Variants in NR6A1 observed in about 807,000 individuals in gnomAD.
NR6A1 encodes nuclear receptor subfamily 6 group A member 1.
A neutral mutation model predicts 59.1 loss-of-function variants in NR6A1; 7 were observed. The observed-to-expected ratio is 0.12, with a 90% CI of 0.07 to 0.22. NR6A1 has a LOEUF of 0.22. Among genes scored for constraint, NR6A1 ranks in the 10% least tolerant of loss-of-function variants. NR6A1 has a pLI of 1.00. For synonymous variants in NR6A1, 243 were observed against 236.1 expected, an observed-to-expected ratio of 1.03 and a Z score of -0.27; for missense variants, 468 against 611.6, an observed-to-expected ratio of 0.77 and a Z score of 2.48.
chr9:124,533,316 C>T (rs1007689309), intron 7 of NR6A1, among the ~76,000 whole-genome samples: 3 of 152,238 alleles, frequency 2.0e-5, no homozygotes, highest in African/African-American at 7.2e-5. Context: ...ATTAGAGTCT[C>T]TGGACAAGGG....
At chr9:124,721,835 A>G (rs1839573155) in intron 2 of NR6A1, among the ~76,000 whole-genome samples, 1 of 152,122 alleles carries the variant, frequency 6.6e-6, no homozygotes, top group Non-Finnish European at 1.5e-5. Flanking sequence ...CAATCAAGAC[A>G]GCTAGAGACA....
At chr9:124,623,348 AATTATT>A (rs539637537) in intron 2 of NR6A1, among the ~76,000 whole-genome samples, 1 of 151,548 alleles carries the variant, frequency 6.6e-6, no homozygotes, top group Non-Finnish European at 1.5e-5. Context: ...TCATGAGTCC[AATTATT>A]ATTATTATTA....
At chr9:124,661,410 A>T (rs1837427934) in intron 2 of NR6A1, among the ~76,000 whole-genome samples, 1 of 152,162 alleles carries the variant, frequency 6.6e-6, no homozygotes, top group South Asian at 2.1e-4. Context: ...TGTCCATTTC[A>T]ACAGGAGGAG....
chr9:124,767,202 A>T (rs1466232152), intron 1 of NR6A1, among the ~76,000 whole-genome samples: 1 of 152,348 alleles, frequency 6.6e-6, no homozygotes, highest in East Asian at 1.9e-4. Flanking sequence ...TGATTTGGAC[A>T]TATTTTTGGA....
intron 2 of NR6A1, among the ~76,000 whole-genome samples, chr9:124,593,768 A>G (rs1835195549): frequency 6.6e-6 from 1 of 152,114 alleles, no homozygotes; most frequent in African/African-American, 2.4e-5. Context: ...ATCTATCTTG[A>G]AGTGTGCACA....
intron 2 of NR6A1, among the ~76,000 whole-genome samples, chr9:124,727,511 G>T (rs1220588178): frequency 1.3e-5 from 2 of 152,040 alleles, no homozygotes; most frequent in Non-Finnish European, 2.9e-5. Context: ...GTTCCATTAC[G>T]TTAACATTGT....
chr9:124,732,542 A>C (rs1296817834), intron 2 of NR6A1, among the ~76,000 whole-genome samples: 26 of 152,190 alleles, frequency 1.7e-4, no homozygotes, highest in Non-Finnish European at 7.3e-5. Context: ...TAACCATAAG[A>C]CCGTAAATGA....
At chr9:124,661,536 C>A (rs1243686890) in intron 2 of NR6A1, among the ~76,000 whole-genome samples, 1 of 152,144 alleles carries the variant, frequency 6.6e-6, no homozygotes. Flanking sequence ...CAAATGAGAC[C>A]ATGAATGGTC....
At chr9:124,760,016 G>A (rs1458993348) in intron 1 of NR6A1, among the ~76,000 whole-genome samples, 2 of 150,718 alleles carry the variant, frequency 1.3e-5, no homozygotes. Flanking sequence ...CTCCAACCTG[G>A]GTGACAGAGC....
At position 124,580,016 on chromosome 9, in the gene NR6A1, TAAAC is replaced by T. The variant is rs375963154; in HGVS notation, c.143-25450_143-25447del. On this transcript the variant is annotated intron_variant, in intron 2 of 9. Coordinates refer to ENST00000487099, the MANE Select transcript of NR6A1 (RefSeq NM_033334.4). The stretch of plus-strand genomic sequence containing the variant: ...CAAGAACTAAACTGTGTCTCATAAA[TAAAC>T]AAACAAACAAACAAACAAAGATTTA... Among the ~76,000 whole-genome samples the T allele has an allele frequency of 4.3e-3, 653 of 152,162 alleles. 3 individuals carry two copies. The highest frequency in any genetic ancestry group is 5.3e-3 in the Non-Finnish European group (361 of 67,988).
At chr9:124,644,801 A>T (rs964069853) in intron 2 of NR6A1, among the ~76,000 whole-genome samples, 2 of 152,118 alleles carry the variant, frequency 1.3e-5, no homozygotes, top group Non-Finnish European at 1.5e-5. Flanking sequence ...TACCCCAAGG[A>T]CCCTCCAAGC....
At position 124,661,636 on chromosome 9, in the gene NR6A1, G is replaced by A. The variant is rs1156713028; in HGVS notation, c.142+71672C>T. Among the ~76,000 whole-genome samples, 3 of 152,190 alleles carry A rather than the reference G, an allele frequency of 2.0e-5. No homozygotes were observed. The East Asian group carries it at 5.8e-4, about 29-fold the overall frequency. On this transcript the variant is annotated intron_variant, in intron 2 of 9. Transcript: ENST00000487099. ...CTGAACACGTGCCAGATTTAATGGTGCTGGTAAACATAATAGCAACCTTTA... is the reference window on the plus strand; with the variant it reads ...CTGAACACGTGCCAGATTTAATGGTACTGGTAAACATAATAGCAACCTTTA...
intron 2 of NR6A1, among the ~76,000 whole-genome samples, chr9:124,572,426 T>C (rs1264747784): frequency 6.6e-6 from 1 of 151,866 alleles, no homozygotes; most frequent in African/African-American, 2.4e-5. Context: ...AAGAAAAAGG[T>C]AGGAACAACT....
chr9:124,658,523 C>A, intron 2 of NR6A1: 1 of 152,148 alleles, frequency 6.6e-6, no homozygotes, highest in Middle Eastern at 3.2e-3. Flanking sequence ...CTGACAAACT[C>A]ATTTCTCTAC....
Position 124,615,241 on chromosome 9 carries a change from T to C in NR6A1, c.143-60671A>G, listed in dbSNP as rs139495691. Among the ~76,000 whole-genome samples the C allele has an allele frequency of 9.2e-5, 14 of 152,198 alleles. No homozygotes were observed. The East Asian group carries it at 2.7e-3, about 29-fold the overall frequency. On this transcript the variant is annotated intron_variant, in intron 2 of 9. Coordinates refer to ENST00000487099, the MANE Select transcript of NR6A1 (RefSeq NM_033334.4). ...AATTAGAAAGATAAATTAAGCAAAA[T>C]GGGTAGGATGCTTTTTACAGTAAGT...
intron 2 of NR6A1, among the ~76,000 whole-genome samples, chr9:124,696,803 C>T (rs376581269): frequency 1.5e-4 from 23 of 152,128 alleles, no homozygotes; most frequent in East Asian, 1.2e-3. Context: ...ACCACAGGCA[C>T]GTACCACCAT....
At chr9:124,666,641 T>G (rs1005474865) in intron 2 of NR6A1, among the ~76,000 whole-genome samples, 3 of 152,222 alleles carry the variant, frequency 2.0e-5, no homozygotes, top group Admixed American at 2.0e-4. Context: ...AATCCTCTAT[T>G]ACTAGAACAG....
At chr9:124,698,706 A>T (rs1187166355) in intron 2 of NR6A1, 1 of 152,188 alleles carries the variant, frequency 6.6e-6, no homozygotes, top group Non-Finnish European at 1.5e-5. Context: ...CTTAGGAAGT[A>T]ATCTTCTCCT....
chr9:124,634,960 G>T (rs1836558896), intron 2 of NR6A1, among the ~76,000 whole-genome samples: 1 of 152,060 alleles, frequency 6.6e-6, no homozygotes, highest in African/African-American at 2.4e-5. Flanking sequence ...CACACCAGAG[G>T]GGTATATTTG....
Sources: gnomAD v4.1 joint callset for allele counts (sites outside exome capture counted in the v4.1 genomes callset) on GRCh38, gnomAD v4.1.1 for gene constraint, MANE v1.5 for transcripts, NCBI Gene and HGNC (gene_info 2026-07-23, HGNC 2026-07-21) for gene names.